The following PEBP4 variants were observed in gnomAD, a reference collection of about 807,000 sequenced individuals.
The protein encoded by PEBP4 is phosphatidylethanolamine binding protein 4.
A neutral mutation model predicts 23.9 loss-of-function variants in PEBP4; 22 were observed. The observed-to-expected ratio is 0.92, with a 90% confidence interval of 0.66 to 1.31. PEBP4 has a LOEUF of 1.31. PEBP4 is among the 40% of genes most tolerant of loss of function. The pLI, the probability that PEBP4 is intolerant of heterozygous loss-of-function variation, is 0.00. For missense variants in PEBP4, 324 were observed against 281.7 expected (o/e 1.15, Z -1.07); for synonymous variants, 112 against 99.3 (o/e 1.13, Z -0.76).
intron 3 of PEBP4, among the ~76,000 whole-genome samples, chr8:22,869,774 A>G (rs1273126878): frequency 6.6e-6 from 1 of 152,248 alleles, no homozygotes; most frequent in East Asian, 1.9e-4. Flanking sequence ...TCACCAAAGA[A>G]AATATACAGG....
chr8:22,738,742 C>T (rs982868090), intron 4 of PEBP4, among the ~76,000 whole-genome samples: 4 of 152,226 alleles, frequency 2.6e-5, no homozygotes, highest in East Asian at 3.8e-4. Context: ...TATGCTCACA[C>T]ACCCACACAT....
At chr8:22,737,267 G>A (rs925729987) in intron 4 of PEBP4, among the ~76,000 whole-genome samples, 1 of 145,536 alleles carries the variant, frequency 6.9e-6, no homozygotes, top group Non-Finnish European at 1.5e-5. Flanking sequence ...GCACTCCAGC[G>A]TGGGCAATAG....
At chr8:22,723,678 A>T (rs1376016178) in intron 6 of PEBP4, among the ~76,000 whole-genome samples, 1 of 152,232 alleles carries the variant, frequency 6.6e-6, no homozygotes, top group Non-Finnish European at 1.5e-5. Flanking sequence ...ACTTAAAAGT[A>T]TGTCTTTGGC....
chr8:22,915,790 A>T (rs2128779833), intron 3 of PEBP4, among the ~76,000 whole-genome samples: 1 of 152,262 alleles, frequency 6.6e-6, no homozygotes, highest in Middle Eastern at 3.4e-3. Context: ...GGGTGTTGGG[A>T]GCCCCGTGTC....
intron 4 of PEBP4, chr8:22,758,304 C>G (rs1298906570): frequency 6.6e-6 from 1 of 152,196 alleles, no homozygotes; most frequent in Non-Finnish European, 1.5e-5. Context: ...ACTGAATGTT[C>G]CTGGGTGGCC....
At chr8:22,843,505 C>A (rs1807368108) in intron 3 of PEBP4, among the ~76,000 whole-genome samples, 1 of 152,204 alleles carries the variant, frequency 6.6e-6, no homozygotes, top group Non-Finnish European at 1.5e-5. Flanking sequence ...TTCCTAATGT[C>A]AGGGAATCAG....
chr8:22,725,216 T>C (rs910355985), intron 5 of PEBP4, among the ~76,000 whole-genome samples: 4 of 152,228 alleles, frequency 2.6e-5, no homozygotes, highest in African/African-American at 9.6e-5. Context: ...CCTTGGGTGC[T>C]GGCGTGGCTC....
chr8:22,859,315 G>C (rs562564869), intron 3 of PEBP4, among the ~76,000 whole-genome samples: 1 of 152,324 alleles, frequency 6.6e-6, no homozygotes, highest in African/African-American at 2.4e-5. Flanking sequence ...TGTTGAGCTT[G>C]CAGCACTGAG....
intron 3 of PEBP4, among the ~76,000 whole-genome samples, chr8:22,889,813 C>T (rs971557149): frequency 1.3e-5 from 2 of 152,218 alleles, no homozygotes; most frequent in African/African-American, 4.8e-5. Flanking sequence ...TCATGTAATA[C>T]GGTATTTCAG....
chr8:22,917,832 C>T (rs1809109532), intron 3 of PEBP4, among the ~76,000 whole-genome samples: 1 of 152,194 alleles, frequency 6.6e-6, no homozygotes, highest in South Asian at 2.1e-4. Flanking sequence ...AACCCTATTT[C>T]CACTGGGGTT....
chr8:22,804,539 A>G (rs1299708396), intron 4 of PEBP4, among the ~76,000 whole-genome samples: 2 of 152,074 alleles, frequency 1.3e-5, no homozygotes, highest in African/African-American at 4.8e-5. Flanking sequence ...TTTTAAGTGT[A>G]CAGTATGGTA....
intron 3 of PEBP4, among the ~76,000 whole-genome samples, chr8:22,835,583 C>T (rs1282362721): frequency 6.6e-6 from 1 of 152,222 alleles, no homozygotes; most frequent in Non-Finnish European, 1.5e-5. Context: ...TCCTGGAGCA[C>T]TGGAAGGAAT....
At chr8:22,767,852 G>T (rs7837770) in intron 4 of PEBP4, among the ~76,000 whole-genome samples, 1 of 151,912 alleles carries the variant, frequency 6.6e-6, no homozygotes, top group African/African-American at 2.4e-5. Flanking sequence ...TGATTCTCCC[G>T]CCTCAGCCTC....
chr8:22,932,936 C>A (rs1243931749), intron 1 of PEBP4, among the ~76,000 whole-genome samples: 1 of 147,582 alleles, frequency 6.8e-6, no homozygotes, highest in South Asian at 2.1e-4. Flanking sequence ...ACCCAGGAGG[C>A]GGAGATTGCA....
At chr8:22,940,315 G>A (rs1432117902) in intron 1 of PEBP4, among the ~76,000 whole-genome samples, 1 of 152,126 alleles carries the variant, frequency 6.6e-6, no homozygotes, top group Admixed American at 6.5e-5. Context: ...CCAAAATTCA[G>A]GCAGTGAGAA....
intron 2 of PEBP4, among the ~76,000 whole-genome samples, chr8:22,922,630 T>C (rs189566480): frequency 6.6e-6 from 1 of 150,964 alleles, no homozygotes; most frequent in East Asian, 2.0e-4. Flanking sequence ...TCCCAGCTAC[T>C]TGGGAGGATC....
chr8:22,837,222 A>G lies in PEBP4; in HGVS notation c.259-19487T>C, dbSNP rs113414061. On this transcript the variant is annotated intron_variant, in intron 3 of 6. Transcript: ENST00000256404. ...TTGCCTCTATTTCGATAGCATCCTA[A>G]CTGGCCTTCTAACCTCTAAACCTCT... is the stretch of plus-strand genomic sequence containing the variant. Among the ~76,000 whole-genome samples the G allele has an allele frequency of 8.1e-4, 123 of 152,274 alleles. 1 individual carries two copies. Among genetic ancestry groups the G allele is most frequent in the African/African-American group, 2.6e-3 (108 of 41,552 alleles).
chr8:22,860,653 ACT>A (rs1384923708), intron 3 of PEBP4, among the ~76,000 whole-genome samples: 2 of 151,880 alleles, frequency 1.3e-5, no homozygotes, highest in Non-Finnish European at 2.9e-5. Context: ...TCAAAATCTG[ACT>A]CTATCTTCAA....
At chr8:22,766,475 A>G (rs921733716) in intron 4 of PEBP4, among the ~76,000 whole-genome samples, 4 of 152,242 alleles carry the variant, frequency 2.6e-5, no homozygotes, top group African/African-American at 7.2e-5. Context: ...GCTGCATGGT[A>G]TGAAATTTCT....
Sources: gnomAD v4.1 joint callset for allele counts (sites outside exome capture counted in the v4.1 genomes callset) on GRCh38, gnomAD v4.1.1 for gene constraint, MANE v1.5 for transcripts, NCBI Gene and HGNC (gene_info 2026-07-23, HGNC 2026-07-21) for gene names.